Variants in FAM184B observed in about 807,000 individuals in gnomAD.
The protein encoded by FAM184B is protein FAM184B.
FAM184B carries 111 observed loss-of-function variants against 135.9 expected under a neutral mutation model. The ratio of observed to expected loss-of-function variants is 0.82; its 90% CI spans 0.70 to 0.96. The LOEUF (loss-of-function observed/expected upper bound fraction) is 0.96, where lower values mean the gene tolerates loss of function less well. Among genes scored for constraint, FAM184B ranks in the 40% least tolerant of loss-of-function variants. The pLI, the probability that FAM184B is intolerant of heterozygous loss-of-function variation, is 0.00. For synonymous variants in FAM184B, 552 were observed against 524.8 expected (o/e 1.05, Z -0.71); for missense variants, 1,375 against 1,323.9 (o/e 1.04, Z -0.60).
chr4:17,670,619 C>T (rs1716150076), intron 7 of FAM184B, among the ~76,000 whole-genome samples: 1 of 152,172 alleles, frequency 6.6e-6, no homozygotes, highest in East Asian at 1.9e-4. Flanking sequence ...ACCCAGATAA[C>T]AACACTGGCT....
chr4:17,775,573 C>T (rs998987323), intron 1 of FAM184B, among the ~76,000 whole-genome samples: 5 of 152,216 alleles, frequency 3.3e-5, no homozygotes, highest in Admixed American at 6.5e-5. Flanking sequence ...CTTTACCCAA[C>T]ATTTGTATTC....
intron 7 of FAM184B, among the ~76,000 whole-genome samples, chr4:17,679,709 A>C (rs908166823): frequency 1.3e-5 from 2 of 152,240 alleles, no homozygotes; most frequent in African/African-American, 2.4e-5. Context: ...TTATACAAAA[A>C]AGATACTTGC....
At chr4:17,633,649 G>A in intron 17 of FAM184B, 40 bp downstream of exon 17, 3 of 1,430,344 alleles carry the variant, frequency 2.1e-6, no homozygotes, top group South Asian at 1.5e-5. Flanking sequence ...TATCTACAGG[G>A]AAATAGAATA....
chr4:17,673,841 C>A (rs1204155832), intron 7 of FAM184B, among the ~76,000 whole-genome samples: 3 of 151,980 alleles, frequency 2.0e-5, no homozygotes, highest in Admixed American at 2.0e-4. Context: ...ATCGGTGTAC[C>A]AAATCTCATA....
At chr4:17,726,824 C>T (rs927965661) in intron 1 of FAM184B, among the ~76,000 whole-genome samples, 15 of 152,198 alleles carry the variant, frequency 9.9e-5, no homozygotes, top group African/African-American at 3.6e-4. Context: ...AAGAGAACTC[C>T]TCTTTGTCAA....
chr4:17,699,158 C>T (rs1450485914), intron 5 of FAM184B, among the ~76,000 whole-genome samples: 1 of 151,620 alleles, frequency 6.6e-6, no homozygotes, highest in African/African-American at 2.4e-5. Context: ...TTAGATGGTA[C>T]AGAAAGAAAG....
intron 1 of FAM184B, among the ~76,000 whole-genome samples, chr4:17,726,495 C>G (rs1717641348): frequency 6.6e-6 from 1 of 152,122 alleles, no homozygotes; most frequent in African/African-American, 2.4e-5. Context: ...CCTCAGCCTC[C>G]TGAGTAGCTG....
At chr4:17,696,899 G>A (rs1473757522) in intron 5 of FAM184B, among the ~76,000 whole-genome samples, 1 of 152,106 alleles carries the variant, frequency 6.6e-6, no homozygotes, top group Admixed American at 6.6e-5. Context: ...GGAGAGGTGT[G>A]GGATGAGGTA....
rs368551834 is a variant in FAM184B at position 17,684,122 on chromosome 4, A to AC, written c.1596+4301_1596+4302insG. On this transcript the variant is annotated intron_variant, in intron 7 of 17. Transcript: ENST00000265018. ...TTATATTATAGTATAAAATAATTAT[A>AC]TATAAAATAATTATATATAAAATAA... Among the ~76,000 whole-genome samples the AC allele has an allele frequency of 3.5e-5, 5 of 143,972 alleles. No individual in the cohort carries two copies. In the Admixed American group the frequency reaches 3.5e-4, roughly 10 times the overall value. The allele number at this position is 143,972 out of a possible 152,430, so 94.5% of individuals were successfully genotyped here. A position where few individuals can be genotyped will look rare whatever the true frequency, so the allele number is the denominator to read the frequency against.
rs1215917057 is a variant in FAM184B at position 17,664,492 on chromosome 4, A to G, written c.1694+70T>C. The G allele has an allele frequency of 2.5e-6, 3 of 1,206,396 alleles. No individual in the cohort carries two copies. In the African/African-American group the frequency reaches 4.6e-5, roughly 18 times the overall value. 74.7% of individuals were successfully genotyped at this position (1,206,396 alleles called of 1,614,324 possible). On this transcript the variant is annotated intron_variant, in intron 8 of 17. Transcript: ENST00000265018. ...AAATACTTGAGGATAGAATGAATGA[A>G]TGGATGAATCCTTCCACATCTGAGT... is the stretch of plus-strand genomic sequence containing the variant.
chr4:17,685,170 A>G (rs1274821825), intron 7 of FAM184B, among the ~76,000 whole-genome samples: 2 of 147,896 alleles, frequency 1.4e-5, no homozygotes, highest in Non-Finnish European at 3.0e-5. Context: ...TAACAAACCT[A>G]TTCATCCTGC....
At chr4:17,672,445 G>C (rs902555882) in intron 7 of FAM184B, among the ~76,000 whole-genome samples, 1 of 152,116 alleles carries the variant, frequency 6.6e-6, no homozygotes, top group African/African-American at 2.4e-5. Context: ...TCTTGTTCTA[G>C]TTCTCAGAGG....
chr4:17,690,445 T>C (rs564569403), intron 6 of FAM184B, among the ~76,000 whole-genome samples: 6 of 151,950 alleles, frequency 3.9e-5, no homozygotes, highest in Non-Finnish European at 2.9e-5. Flanking sequence ...GATTCAAGAT[T>C]TTAGGAAGGG....
chr4:17,693,993 C>T (rs1716797044), intron 5 of FAM184B, among the ~76,000 whole-genome samples: 1 of 152,138 alleles, frequency 6.6e-6, no homozygotes, highest in Non-Finnish European at 1.5e-5. Context: ...TGATGGGATT[C>T]CCAGGGCCTA....
At position 17,763,514 on chromosome 4, in the gene FAM184B, C is replaced by G. The variant is rs147660164; in HGVS notation, c.141+17645G>C. On this transcript the variant is annotated intron_variant, in intron 1 of 17. Coordinates refer to ENST00000265018, the MANE Select transcript of FAM184B (RefSeq NM_015688.2). ...GATAGGCTTCCTTGGGACAAATAGG[C>G]CCCGCTCCAGGGGTCTAGGACAGGA... Among the ~76,000 whole-genome samples, 97 of 152,266 alleles carry G rather than the reference C, an allele frequency of 6.4e-4. 3 individuals carry two copies. In the East Asian group the frequency reaches 0.018, roughly 29 times the overall value.
chr4:17,643,370 C>A (rs1216455777), intron 12 of FAM184B, among the ~76,000 whole-genome samples: 1 of 152,154 alleles, frequency 6.6e-6, no homozygotes, highest in Non-Finnish European at 1.5e-5. Flanking sequence ...GGGGTATCAC[C>A]TGAGACCACA....
intron 14 of FAM184B, among the ~76,000 whole-genome samples, chr4:17,638,093 C>T (rs1179800144): frequency 2.7e-5 from 4 of 146,398 alleles, no homozygotes; most frequent in Non-Finnish European, 4.5e-5. Flanking sequence ...CCAATCCTGT[C>T]TTCCAGCACT....
In FAM184B at chr4:17,728,904, G is replaced by A. The variant is rs796900393; in HGVS notation, c.142-19260C>T. On this transcript the variant is annotated intron_variant, in intron 1 of 17. Coordinates refer to ENST00000265018, the MANE Select transcript of FAM184B (RefSeq NM_015688.2). ...AGGGAGTGCCACACAGTGGGTGCAG[G>A]ACAGTGGGTACAGTGCACCATGCGC... is the stretch of plus-strand genomic sequence containing the variant. 8.5e-4 allele frequency among the ~76,000 whole-genome samples: 130 copies of A among 152,290 alleles called. 2 individuals are homozygous for A. The highest frequency in any genetic ancestry group is 2.9e-3 in the African/African-American group (122 of 41,562).
At chr4:17,710,843 C>T (rs1437482192) in intron 1 of FAM184B, among the ~76,000 whole-genome samples, 1 of 152,046 alleles carries the variant, frequency 6.6e-6, no homozygotes, top group African/African-American at 2.4e-5. Flanking sequence ...AGAAGAAAAT[C>T]GGGAAGTCTA....
Sources: gnomAD v4.1 joint callset for allele counts (sites outside exome capture counted in the v4.1 genomes callset) on GRCh38, gnomAD v4.1.1 for gene constraint, MANE v1.5 for transcripts, NCBI Gene and HGNC (gene_info 2026-07-23, HGNC 2026-07-21) for gene names.